LMOD1: variants seen among roughly 807,000 people sequenced by gnomAD.
LMOD1 encodes leiomodin-1.
Under a neutral mutation model 36.5 loss-of-function variants are expected in LMOD1, and 8 were observed. The ratio of observed to expected loss-of-function variants is 0.22; its 90% CI spans 0.13 to 0.40. The LOEUF is 0.40. Among genes scored for constraint, LMOD1 ranks in the 10% least tolerant of loss-of-function variants. The probability of loss-of-function intolerance (pLI) is 1.00; values close to 1 mark genes in which losing one functional copy is unlikely to be tolerated. For missense variants in LMOD1, 630 were observed against 751.1 expected (o/e 0.84, Z 1.88); for synonymous variants, 284 against 288.7 (o/e 0.98, Z 0.17).
intron 1 of LMOD1, among the ~76,000 whole-genome samples, chr1:201,924,281 G>A (rs536591124): frequency 2.1e-5 from 3 of 145,328 alleles, no homozygotes; most frequent in South Asian, 2.2e-4. Context: ...CCGAGATAGC[G>A]CCACTGCACT....
chr1:201,940,478 C>A (rs1211569653), intron 1 of LMOD1, among the ~76,000 whole-genome samples: 1 of 152,090 alleles, frequency 6.6e-6, no homozygotes, highest in Non-Finnish European at 1.5e-5. Context: ...AACCACGGCA[C>A]CCGGCCTAAC....
intron 1 of LMOD1, among the ~76,000 whole-genome samples, chr1:201,929,780 T>C (rs2102925721): frequency 6.6e-6 from 1 of 152,274 alleles, no homozygotes; most frequent in African/African-American, 2.4e-5. Context: ...GACATGAAGA[T>C]GAATAAGAGT....
At chr1:201,905,654 C>T (rs1256461228) in intron 1 of LMOD1, among the ~76,000 whole-genome samples, 1 of 152,242 alleles carries the variant, frequency 6.6e-6, no homozygotes, top group African/African-American at 2.4e-5. Context: ...AGGTCACCTT[C>T]TTCCTTCCTG....
At position 201,896,622 on chromosome 1, in the gene LMOD1, G is replaced by T. The variant is rs531981022; in HGVS notation, c.*1750C>A. 35 of 456,754 alleles carry T rather than the reference G, an allele frequency of 7.7e-5. No homozygotes were observed. Among genetic ancestry groups the T allele is most frequent in the Admixed American group, 7.0e-4 (30 of 42,584 alleles). The allele number at this position is 456,754 out of a possible 1,614,324, so 28.3% of individuals were successfully genotyped here. A position where few individuals can be genotyped will look rare whatever the true frequency, so the allele number is the denominator to read the frequency against. On this transcript the variant is annotated 3_prime_UTR_variant, in exon 3 of 3. Coordinates refer to ENST00000367288, the MANE Select transcript of LMOD1 (RefSeq NM_012134.3). ...GTGCCCAGTGCCCAGCAGGCACAGG[G>T]GGGTGCAGTGGGACTGACAGTGAGG...
At chr1:201,939,760 CTGTG>C (rs56135181) in intron 1 of LMOD1, among the ~76,000 whole-genome samples, 147 of 148,304 alleles carry the variant, frequency 9.9e-4, no homozygotes, top group East Asian at 1.4e-3. Context: ...TCTGCTCCTG[CTGTG>C]TGTGTGTGTG....
At chr1:201,920,831 C>A (rs940092901) in intron 1 of LMOD1, among the ~76,000 whole-genome samples, 2 of 151,222 alleles carry the variant, frequency 1.3e-5, no homozygotes, top group Admixed American at 6.6e-5. Flanking sequence ...GAGTTTGAGA[C>A]CAGCCTGGGC....
Position 201,946,321 on chromosome 1 carries a change from T to C in LMOD1, c.20A>G (p.Tyr7Cys), listed in dbSNP as rs1682212287. 2 of 1,613,876 alleles carry C rather than the reference T, an allele frequency of 1.2e-6. No homozygotes were observed. Among genetic ancestry groups the C allele is most frequent in the Non-Finnish European group, 1.7e-6 (2 of 1,179,896 alleles). The change falls in exon 1 of 3, where the codon TAT (tyrosine) becomes TGT (cysteine). Residue 7 changes from tyrosine to cysteine, a missense_variant. By Grantham distance (194) the Tyr-to-Cys change is radical (BLOSUM62 -2). This residue lies in a region of LMOD1 where 405 missense variants were observed against 400.6 expected (regional missense o/e 1.01). Transcript: ENST00000367288. The part of the protein sequence containing the change: MSRVAK[Y>C]RRQVSEDPDI... Reference sequence around the variant, plus strand: ...GGGGTCTTCACTCACCTGCCGGCGATATTTGGCTACTCTAGACATCTTGGC... The same window carrying C: ...GGGGTCTTCACTCACCTGCCGGCGACATTTGGCTACTCTAGACATCTTGGC...
At chr1:201,929,345 G>C (rs1166273166) in intron 1 of LMOD1, among the ~76,000 whole-genome samples, 2 of 152,042 alleles carry the variant, frequency 1.3e-5, no homozygotes, top group African/African-American at 4.8e-5. Flanking sequence ...GCATACCAAA[G>C]TGCTGGGATT....
At chr1:201,931,484 G>A (rs1228120466) in intron 1 of LMOD1, among the ~76,000 whole-genome samples, 2 of 148,514 alleles carry the variant, frequency 1.3e-5, no homozygotes, top group Non-Finnish European at 3.0e-5. Context: ...GTTGCAGTGA[G>A]CTGAGATGGT....
chr1:201,901,426 T>C (rs1396769174), intron 1 of LMOD1, among the ~76,000 whole-genome samples: 1 of 147,626 alleles, frequency 6.8e-6, no homozygotes, highest in Non-Finnish European at 1.5e-5. Context: ...CACCTGAACC[T>C]GGGAGGTGGA....
At chr1:201,928,758 C>T (rs1490611716) in intron 1 of LMOD1, among the ~76,000 whole-genome samples, 3 of 152,200 alleles carry the variant, frequency 2.0e-5, no homozygotes, top group Non-Finnish European at 4.4e-5. Context: ...CTCTGTTGCC[C>T]AGGCTGGAGT....
intron 1 of LMOD1, among the ~76,000 whole-genome samples, chr1:201,915,494 T>C (rs1316751589): frequency 1.3e-5 from 2 of 152,064 alleles, no homozygotes; most frequent in Non-Finnish European, 1.5e-5. Context: ...TGCCGACCCC[T>C]GCACTATTCC....
chr1:201,905,120 C>T lies in LMOD1; in HGVS notation c.262-4369G>A, dbSNP rs191752777. On this transcript the variant is annotated intron_variant, in intron 1 of 2. Coordinates refer to ENST00000367288, the MANE Select transcript of LMOD1 (RefSeq NM_012134.3). Reference sequence around the variant, plus strand: ...GCCTCTTGATGAGAAAACTAGGTAGCAACAGTTATTTTTTCCCTTTGCGAA... The same window carrying T: ...GCCTCTTGATGAGAAAACTAGGTAGTAACAGTTATTTTTTCCCTTTGCGAA... Among the ~76,000 whole-genome samples the T allele has an allele frequency of 7.2e-5, 11 of 152,298 alleles. No individual in the cohort carries two copies. In the East Asian group the frequency reaches 2.1e-3, roughly 29 times the overall value.
intron 1 of LMOD1, among the ~76,000 whole-genome samples, chr1:201,902,272 C>G (rs1681344248): frequency 1.3e-5 from 2 of 151,724 alleles, no homozygotes; most frequent in Non-Finnish European, 2.9e-5. Flanking sequence ...ACAAGCATCT[C>G]TCTGTGGAGA....
At chr1:201,922,267 T>C (rs1472264494) in intron 1 of LMOD1, among the ~76,000 whole-genome samples, 3 of 152,152 alleles carry the variant, frequency 2.0e-5, no homozygotes, top group African/African-American at 7.2e-5. Flanking sequence ...TGAAAATATA[T>C]GTCCACAAAA....
At chr1:201,911,173 G>A (rs746475898) in intron 1 of LMOD1, among the ~76,000 whole-genome samples, 13 of 152,132 alleles carry the variant, frequency 8.5e-5, no homozygotes, top group Non-Finnish European at 1.3e-4. Flanking sequence ...GCTCAGCTCT[G>A]GGGACACAGG....
At chr1:201,945,603 G>C (rs1013095778) in intron 1 of LMOD1, among the ~76,000 whole-genome samples, 1 of 152,248 alleles carries the variant, frequency 6.6e-6, no homozygotes, top group Middle Eastern at 3.4e-3. Flanking sequence ...TCCATGTGCC[G>C]TGAGATGCCC....
intron 1 of LMOD1, among the ~76,000 whole-genome samples, chr1:201,934,873 C>G (rs1681989781): frequency 6.6e-6 from 1 of 152,216 alleles, no homozygotes; most frequent in African/African-American, 2.4e-5. Flanking sequence ...TCCTCTACCT[C>G]TCAGTCTCTT....
intron 1 of LMOD1, among the ~76,000 whole-genome samples, chr1:201,924,633 GAATAAAGA>G (rs1452262761): frequency 6.5e-5 from 8 of 123,962 alleles, no homozygotes; most frequent in East Asian, 5.9e-4. Context: ...AAGAAAGGAA[GAATAAAGA>G]AAGAAAGAGA....
Sources: allele counts gnomAD v4.1 joint callset (sites outside exome capture counted in the v4.1 genomes callset), GRCh38; gene constraint gnomAD v4.1.1; regional missense constraint gnomAD v4.1.1; transcripts MANE v1.5; gene names NCBI Gene and HGNC (gene_info 2026-07-23, HGNC 2026-07-21).